The following CHAT variants were observed in gnomAD, a reference collection of about 807,000 sequenced individuals.
CHAT encodes the protein acetyl CoA:choline O-acetyltransferase.
A neutral mutation model predicts 76.9 loss-of-function variants in CHAT; 61 were observed. The observed-to-expected ratio is 0.79, with a 90% CI of 0.65 to 0.98. The LOEUF (loss-of-function observed/expected upper bound fraction) is 0.98, where lower values mean the gene tolerates loss of function less well. Ranked by LOEUF, CHAT falls within the 50% of genes least tolerant of loss-of-function variation. CHAT has a pLI of 0.00. For synonymous variants in CHAT, 407 were observed against 397.4 expected, an observed-to-expected ratio of 1.02 and a Z score of -0.29; for missense variants, 946 against 986.9, an observed-to-expected ratio of 0.96 and a Z score of 0.56.
intron 7 of CHAT, among the ~76,000 whole-genome samples, chr10:49,638,523 C>A (rs1839368927): frequency 6.6e-6 from 1 of 152,162 alleles, no homozygotes; most frequent in African/African-American, 2.4e-5. Flanking sequence ...CTCTTGCCTT[C>A]GTGTGGGTTA....
upstream of CHAT, chr10:49,610,762 G>A: frequency 6.5e-7 from 1 of 1,548,060 alleles, no homozygotes; most frequent in Non-Finnish European, 8.7e-7. Context: ...GGAACCTGCG[G>A]GCCAGGCCCG....
chr10:49,648,045 T>G, intron 8 of CHAT: 3 of 193,218 alleles, frequency 1.6e-5, no homozygotes, highest in Non-Finnish European at 3.2e-5. Flanking sequence ...CTGCAAAGGG[T>G]GAGTTTGGGG....
chr10:49,621,000 C>A lies in CHAT; in HGVS notation c.698+387C>A, dbSNP rs925714868. Among the ~76,000 whole-genome samples the A allele has an allele frequency of 1.3e-4, 20 of 152,296 alleles. 1 individual carries two copies. Among genetic ancestry groups the A allele is most frequent in the Non-Finnish European group, 2.2e-4 (15 of 68,020 alleles). On this transcript the variant is annotated intron_variant, in intron 4 of 14. Transcript: ENST00000337653. ...AGAGGGCCTCTGCTTCCTTCCAGAG[C>A]CCCCAGCTCTAAACAGAGGCCCCAG...
At chr10:49,611,409 C>G, upstream of CHAT, 1 of 1,598,014 alleles carries the variant, frequency 6.3e-7, no homozygotes. Context: ...TCATTAGCTT[C>G]GGAAGCCTAG....
At position 49,627,905 on chromosome 10, in the gene CHAT, C is replaced by A. The variant is rs1838982838; in HGVS notation, c.1111+120C>A. ...TCAGCCATAGTGTGGGAGCTCAGGG[C>A]CCACAGCATGCCCTGCGGCCAGCCA... On this transcript the variant is annotated intron_variant, in intron 7 of 14. Transcript: ENST00000337653. 5.8e-6 allele frequency: 7 copies of A among 1,202,020 alleles called. No individual in the cohort carries two copies. In the East Asian group the frequency reaches 1.5e-4, roughly 26 times the overall value. 74.5% of individuals were successfully genotyped at this position (1,202,020 alleles called of 1,614,324 possible). A position where few individuals can be genotyped will look rare whatever the true frequency, so the allele number is the denominator to read the frequency against.
chr10:49,665,084 T>C lies in CHAT; in HGVS notation c.*38T>C. 2 of 1,611,278 alleles carry C rather than the reference T, an allele frequency of 1.2e-6. No individual in the cohort carries two copies. Among genetic ancestry groups the C allele is most frequent in the Non-Finnish European group, 1.7e-6 (2 of 1,179,272 alleles). ...GGTTTCACCTCCCAAACCCAGCCTC[T>C]AGAACAGCCAGACCCTGCAGATCCC... On this transcript the variant is annotated 3_prime_UTR_variant, in exon 15 of 15. Coordinates refer to ENST00000337653, the MANE Select transcript of CHAT (RefSeq NM_020549.5).
intron 9 of CHAT, 43 bp downstream of exon 9, chr10:49,648,650 T>C: frequency 2.2e-6 from 3 of 1,393,258 alleles, no homozygotes; most frequent in Non-Finnish European, 3.0e-6. Context: ...CCCAAAAAAA[T>C]GTGGGTGGTC....
chr10:49,620,319 A>C (rs1333210440), intron 3 of CHAT, among the ~76,000 whole-genome samples, 176 bp from the exon 4 acceptor site: 1 of 152,138 alleles, frequency 6.6e-6, no homozygotes, highest in African/African-American at 2.4e-5. Flanking sequence ...AGGAGGGCAC[A>C]AAGGTGAAGG....
chr10:49,610,979 C>T (rs778513207), upstream of CHAT: 15 of 1,611,566 alleles, frequency 9.3e-6, no homozygotes, highest in Admixed American at 1.8e-4. Context: ...GTGTGGGAGC[C>T]CACCCTGCCG....
At chr10:49,658,700 C>A (rs1285449395) in intron 13 of CHAT, among the ~76,000 whole-genome samples, 1 of 152,164 alleles carries the variant, frequency 6.6e-6, no homozygotes, top group Non-Finnish European at 1.5e-5. Context: ...CACAGCAAGA[C>A]TCCTTCTCAA....
intron 4 of CHAT, among the ~76,000 whole-genome samples, chr10:49,621,640 G>A (rs1838713210): frequency 6.6e-6 from 1 of 152,072 alleles, no homozygotes; most frequent in Non-Finnish European, 1.5e-5. Context: ...CAGACCCAGG[G>A]CTGGCTTTTC....
chr10:49,615,876 C>G (rs1186698339), intron 1 of CHAT: 9 of 647,446 alleles, frequency 1.4e-5, no homozygotes, highest in Non-Finnish European at 2.4e-5. Context: ...CCGAGACTGC[C>G]TAGGTCACAA....
At chr10:49,645,085 C>T (rs1839613878) in intron 7 of CHAT, among the ~76,000 whole-genome samples, 1 of 152,192 alleles carries the variant, frequency 6.6e-6, no homozygotes, top group Non-Finnish European at 1.5e-5. Context: ...AGAATTTAGA[C>T]ACCTGGTTAC....
intron 5 of CHAT, 31 bp from the exon 6 acceptor site, chr10:49,625,442 G>T (rs760848084): frequency 6.2e-7 from 1 of 1,608,404 alleles, no homozygotes; most frequent in Admixed American, 1.7e-5. Context: ...ATCCCCTCGT[G>T]GCTGCCTCCC....
chr10:49,640,524 C>A (rs914257026), intron 7 of CHAT, among the ~76,000 whole-genome samples: 1 of 152,104 alleles, frequency 6.6e-6, no homozygotes, highest in Admixed American at 6.5e-5. Context: ...TTCAAGCTCC[C>A]TACACGGTCT....
chr10:49,651,191 G>A (rs1444651948), intron 10 of CHAT, among the ~76,000 whole-genome samples: 1 of 152,016 alleles, frequency 6.6e-6, no homozygotes, highest in Admixed American at 6.6e-5. Flanking sequence ...CTGTCAACAG[G>A]TAGGTCTAAG....
Position 49,634,701 on chromosome 10 carries a change from G to GT in CHAT, c.1111+6924dup, listed in dbSNP as rs931019194. ...TGGGGTACAAGATAGCTAGGAGGTGGTTTTTTTTGTTTTGTTTTTGTTTTT... is the reference window on the plus strand; with the variant it reads ...TGGGGTACAAGATAGCTAGGAGGTGGTTTTTTTTTGTTTTGTTTTTGTTTTT... On this transcript the variant is annotated intron_variant, in intron 7 of 14. Coordinates refer to ENST00000337653, the MANE Select transcript of CHAT (RefSeq NM_020549.5). Among the ~76,000 whole-genome samples the GT allele has an allele frequency of 1.6e-4, 25 of 151,964 alleles. 1 individual carries two copies. Among genetic ancestry groups the GT allele is most frequent in the Admixed American group, 8.5e-4 (13 of 15,248 alleles).
At chr10:49,626,703 A>G (rs1838934866) in intron 6 of CHAT, among the ~76,000 whole-genome samples, 1 of 152,226 alleles carries the variant, frequency 6.6e-6, no homozygotes, top group Non-Finnish European at 1.5e-5. Flanking sequence ...CCTGCACAAG[A>G]CCAGGCCATA....
At position 49,655,371 on chromosome 10, in the gene CHAT, G is replaced by A; in HGVS notation, c.1777-15G>A. 1 of 1,614,082 alleles carries A rather than the reference G, an allele frequency of 6.2e-7. No homozygotes were observed. The highest frequency in any genetic ancestry group is 8.5e-7 in the Non-Finnish European group (1 of 1,179,994). On this transcript the variant is annotated splice_polypyrimidine_tract_variant and intron_variant, in intron 12 of 14. Transcript: ENST00000337653. ...GCCTTTTAAACCCCGCGCTGCCTCT[G>A]TGTTCTGTTGACAGGCTTCTGAGAA...
Sources: gnomAD v4.1 joint callset for allele counts (sites outside exome capture counted in the v4.1 genomes callset) on GRCh38, gnomAD v4.1.1 for gene constraint, MANE v1.5 for transcripts, NCBI Gene and HGNC (gene_info 2026-07-23, HGNC 2026-07-21) for gene names.